Variants in SNTG1 observed in about 807,000 individuals in gnomAD.
SNTG1 encodes gamma-1-syntrophin.
Under a neutral mutation model 74.7 loss-of-function variants are expected in SNTG1, and 39 were observed. The observed-to-expected ratio is 0.52, with a 90% CI of 0.40 to 0.68. The LOEUF is 0.68. Ranked by LOEUF, SNTG1 falls within the 30% of genes least tolerant of loss-of-function variation. The probability of loss-of-function intolerance (pLI) is 0.00; values close to 1 mark genes in which losing one functional copy is unlikely to be tolerated. For synonymous variants in SNTG1, 254 were observed against 217.1 expected, an observed-to-expected ratio of 1.17 and a Z score of -1.49; for missense variants, 685 against 609.5, an observed-to-expected ratio of 1.12 and a Z score of -1.30.
chr8:50,029,045 T>C (rs1019834823), intron 1 of SNTG1, among the ~76,000 whole-genome samples: 1 of 152,146 alleles, frequency 6.6e-6, no homozygotes, highest in African/African-American at 2.4e-5. Flanking sequence ...GATATAAGAT[T>C]TGAATTTTTT....
At chr8:50,461,351 G>T (rs527520561) in intron 8 of SNTG1, among the ~76,000 whole-genome samples, 9 of 152,122 alleles carry the variant, frequency 5.9e-5, no homozygotes, top group African/African-American at 2.2e-4. Context: ...GAGTTTTTCA[G>T]AATTCTTCAT....
chr8:50,238,749 A>G (rs188732119), intron 2 of SNTG1, among the ~76,000 whole-genome samples: 10 of 152,348 alleles, frequency 6.6e-5, no homozygotes, highest in Non-Finnish European at 7.4e-5. Context: ...TGCTTCTGAC[A>G]AAAGTCTGAT....
At chr8:50,577,462 T>A (rs1051483638) in intron 12 of SNTG1, among the ~76,000 whole-genome samples, 1 of 146,310 alleles carries the variant, frequency 6.8e-6, no homozygotes, top group African/African-American at 2.5e-5. Flanking sequence ...TTTTTTTTTG[T>A]TTTTTTTTTT....
At chr8:49,927,783 C>A (rs960063662) in intron 1 of SNTG1, among the ~76,000 whole-genome samples, 1 of 151,786 alleles carries the variant, frequency 6.6e-6, no homozygotes, top group Non-Finnish European at 1.5e-5. Flanking sequence ...TTGTCCAGAC[C>A]CACAGAATGT....
chr8:50,619,318 G>C (rs768073184), intron 13 of SNTG1, among the ~76,000 whole-genome samples: 7 of 152,128 alleles, frequency 4.6e-5, no homozygotes, highest in Non-Finnish European at 7.4e-5. Context: ...CACCCATCTG[G>C]AGTACCTATA....
rs192305371 is a variant in SNTG1 at position 50,108,698 on chromosome 8, G to T, written c.-102-63863G>T. The stretch of plus-strand genomic sequence containing the variant: ...ATATGCTTTTGTTCCATTTATAGAA[G>T]CTTTGTTAAAATCCTACTATGTCCA... On this transcript the variant is annotated intron_variant, in intron 1 of 18. Coordinates refer to ENST00000642720, the MANE Select transcript of SNTG1 (RefSeq NM_018967.5). Among the ~76,000 whole-genome samples the T allele has an allele frequency of 6.2e-4, 95 of 152,230 alleles. 2 individuals carry two copies. The highest frequency in any genetic ancestry group is 9.7e-4 in the Non-Finnish European group (66 of 68,000).
intron 17 of SNTG1, among the ~76,000 whole-genome samples, chr8:50,741,428 C>A (rs2131664128): frequency 6.6e-6 from 1 of 152,052 alleles, no homozygotes; most frequent in Non-Finnish European, 1.5e-5. Context: ...GACCAAGTAC[C>A]CCTGAACTTA....
intron 2 of SNTG1, among the ~76,000 whole-genome samples, chr8:50,328,254 A>T (rs1330941494): frequency 1.3e-5 from 2 of 152,218 alleles, no homozygotes; most frequent in Non-Finnish European, 2.9e-5. Flanking sequence ...TGTTAGACTG[A>T]GAAAATTTTA....
chr8:50,440,615 C>A (rs983332776), intron 5 of SNTG1, among the ~76,000 whole-genome samples: 1 of 152,086 alleles, frequency 6.6e-6, no homozygotes, highest in Non-Finnish European at 1.5e-5. Context: ...TTTTCAGGAG[C>A]AATTTGAGCC....
rs556144958 is a variant in SNTG1 at position 49,919,747 on chromosome 8, G to C, written c.-103+7516G>C. Among the ~76,000 whole-genome samples the C allele has an allele frequency of 2.6e-4, 39 of 152,120 alleles. 1 individual carries two copies. The East Asian group carries it at 7.0e-3, about 27-fold the overall frequency. On this transcript the variant is annotated intron_variant, in intron 1 of 18. Transcript: ENST00000642720. ...AGAACAGTTATTTTTTCTATATTTG[G>C]TGACTTTTTTCAGTAGTTTTAAATG...
At chr8:50,629,997 T>C (rs2094985557) in intron 13 of SNTG1, among the ~76,000 whole-genome samples, 1 of 152,214 alleles carries the variant, frequency 6.6e-6, no homozygotes, top group South Asian at 2.1e-4. Context: ...TTTTGTTCAA[T>C]AGGTAAATCA....
intron 15 of SNTG1, among the ~76,000 whole-genome samples, chr8:50,686,546 A>C (rs1221417472): frequency 6.6e-6 from 1 of 152,178 alleles, no homozygotes; most frequent in Non-Finnish European, 1.5e-5. Context: ...TAAAACTCAG[A>C]AATAAAGAAT....
chr8:50,720,723 GTCAAATA>G (rs1371713986), intron 17 of SNTG1, among the ~76,000 whole-genome samples: 2 of 152,168 alleles, frequency 1.3e-5, no homozygotes, highest in African/African-American at 2.4e-5. Context: ...ACACTCATGA[GTCAAATA>G]TCAAATACCA....
Position 50,794,078 on chromosome 8 carries a change from T to C in SNTG1, c.*1249T>C, listed in dbSNP as rs944300535. 1.3e-5 allele frequency: 2 copies of C among 151,618 alleles called. No individual in the cohort carries two copies. Among genetic ancestry groups the C allele is most frequent in the African/African-American group, 2.4e-5 (1 of 41,286 alleles). 9.4% of individuals were successfully genotyped at this position (151,618 alleles called of 1,614,324 possible). On this transcript the variant is annotated 3_prime_UTR_variant, in exon 19 of 19. Coordinates refer to ENST00000642720, the MANE Select transcript of SNTG1 (RefSeq NM_018967.5). ...ATGGAACACAGTCTCTGTCCTTCAG[T>C]ACAGCTTTTTTGAGATATTTTAAAA...
At chr8:50,467,027 G>A (rs373436386) in intron 8 of SNTG1, among the ~76,000 whole-genome samples, 93 of 151,944 alleles carry the variant, frequency 6.1e-4, no homozygotes, top group African/African-American at 2.2e-3. Flanking sequence ...ATCTCATTTG[G>A]TGTGATGTAT....
At chr8:50,488,931 C>T (rs1390806878) in intron 8 of SNTG1, among the ~76,000 whole-genome samples, 2 of 152,042 alleles carry the variant, frequency 1.3e-5, no homozygotes, top group Admixed American at 6.6e-5. Context: ...TCCCATAGCC[C>T]CCCACCCCAC....
intron 5 of SNTG1, among the ~76,000 whole-genome samples, chr8:50,445,408 G>A (rs773760201): frequency 2.0e-5 from 3 of 152,252 alleles, no homozygotes; most frequent in Non-Finnish European, 4.4e-5. Context: ...ATTGATTGGA[G>A]TAATAATAAT....
rs2081416155 is a variant in SNTG1, at chr8:50,134,692, G to A, written c.-102-37869G>A. ...TTAAAAATGAGAGACGCTGAGGTGT[G>A]AGTATGTACTTTAGGAGAAAAAATA... On this transcript the variant is annotated intron_variant, in intron 1 of 18. Transcript: ENST00000642720. Among the ~76,000 whole-genome samples the A allele has an allele frequency of 2.6e-5, 4 of 152,236 alleles. No individual in the cohort carries two copies. The South Asian group carries it at 8.3e-4, about 32-fold the overall frequency.
chr8:50,329,100 A>T (rs1023559308), intron 2 of SNTG1, among the ~76,000 whole-genome samples: 5 of 152,190 alleles, frequency 3.3e-5, no homozygotes, highest in African/African-American at 1.2e-4. Flanking sequence ...CATGTCTCAC[A>T]TCCAGGTCAC....
Sources: allele counts gnomAD v4.1 joint callset (sites outside exome capture counted in the v4.1 genomes callset), GRCh38; gene constraint gnomAD v4.1.1; transcripts MANE v1.5; gene names NCBI Gene and HGNC (gene_info 2026-07-23, HGNC 2026-07-21).